The following ACYP2 variants were observed in gnomAD, a reference collection of about 807,000 sequenced individuals.
ACYP2 encodes the protein acylphosphatase 2.
Under a neutral mutation model 11.2 loss-of-function variants are expected in ACYP2, and 12 were observed. The ratio of observed to expected loss-of-function variants is 1.08; its 90% confidence interval spans 0.69 to 1.74. The LOEUF is 1.74. Among genes scored for constraint, ACYP2 ranks in the 40% most tolerant of loss-of-function variants. The probability of loss-of-function intolerance (pLI) is 0.00; values close to 1 mark genes in which losing one functional copy is unlikely to be tolerated. For missense variants in ACYP2, 134 were observed against 101.9 expected (o/e 1.31, Z -1.35); for synonymous variants, 43 against 32.2 (o/e 1.33, Z -1.13).
At chr2:54,035,495 A>C (rs1462170155) in intron 2 of ACYP2, among the ~76,000 whole-genome samples, 1 of 151,710 alleles carries the variant, frequency 6.6e-6, no homozygotes, top group South Asian at 2.1e-4. Flanking sequence ...TCGATCTCCT[A>C]ACCTTGTGAT....
At chr2:54,038,673 C>A (rs867192314) in intron 2 of ACYP2, among the ~76,000 whole-genome samples, 7 of 106,100 alleles carry the variant, frequency 6.6e-5, no homozygotes, top group African/African-American at 1.9e-4. Flanking sequence ...TTATTGAATA[C>A]TATATATATA....
rs139569000 is a variant in ACYP2 at position 54,239,854 on chromosome 2, G to A, written c.405-64834G>A. On this transcript the variant is annotated intron_variant, in intron 6 of 6. Coordinates refer to ENST00000607452, the MANE Select transcript of ACYP2 (RefSeq NM_001320586.2). Reference sequence around the variant, plus strand: ...ATGGTAGAATAGGGAAGAAGAAACTGGTAAATATTTCCAAATGTCATGTGT... The same window carrying A: ...ATGGTAGAATAGGGAAGAAGAAACTAGTAAATATTTCCAAATGTCATGTGT... Among the ~76,000 whole-genome samples, 30 of 151,970 alleles carry A rather than the reference G, an allele frequency of 2.0e-4. No individual in the cohort carries two copies. In the East Asian group the frequency reaches 5.8e-3, roughly 29 times the overall value.
intron 6 of ACYP2, among the ~76,000 whole-genome samples, chr2:54,155,521 AGAGTCTTAT>A (rs1331781507): frequency 6.6e-6 from 1 of 152,194 alleles, no homozygotes; most frequent in Admixed American, 6.5e-5. Flanking sequence ...TGGCAGCATT[AGAGTCTTAT>A]AGCAGAGCGA....
At chr2:54,062,251 C>A (rs2103633448) in intron 4 of ACYP2, among the ~76,000 whole-genome samples, 1 of 152,218 alleles carries the variant, frequency 6.6e-6, no homozygotes, top group South Asian at 2.1e-4. Context: ...TTGAACGACT[C>A]CCTTGCTACG....
At chr2:54,107,143 C>A (rs563881351) in intron 4 of ACYP2, among the ~76,000 whole-genome samples, 1 of 152,224 alleles carries the variant, frequency 6.6e-6, no homozygotes, top group African/African-American at 2.4e-5. Context: ...TAGGTGGCAG[C>A]AACAGACCAG....
intron 6 of ACYP2, among the ~76,000 whole-genome samples, chr2:54,294,202 C>T (rs530238288): frequency 6.6e-6 from 1 of 152,242 alleles, no homozygotes; most frequent in South Asian, 2.1e-4. Flanking sequence ...TTAATTTCAC[C>T]TCTGTTTCAG....
intron 4 of ACYP2, among the ~76,000 whole-genome samples, chr2:54,072,538 C>T (rs1390758690): frequency 1.3e-4 from 7 of 55,028 alleles, no homozygotes; most frequent in South Asian, 9.6e-4. Context: ...TTCTTTCCTT[C>T]CTTCCTTCCT....
chr2:54,269,546 G>A (rs1192419887), intron 6 of ACYP2, among the ~76,000 whole-genome samples: 4 of 152,162 alleles, frequency 2.6e-5, no homozygotes, highest in Admixed American at 1.3e-4. Flanking sequence ...CTCCCACAGC[G>A]TGTTCCTCAC....
At chr2:54,293,827 T>G (rs1302324354) in intron 6 of ACYP2, among the ~76,000 whole-genome samples, 1 of 152,220 alleles carries the variant, frequency 6.6e-6, no homozygotes, top group Non-Finnish European at 1.5e-5. Flanking sequence ...GGGCTACATA[T>G]CTGACAAATA....
chr2:54,259,598 C>T lies in ACYP2; in HGVS notation c.405-45090C>T, dbSNP rs1036566449. Among the ~76,000 whole-genome samples the T allele has an allele frequency of 8.6e-5, 13 of 151,034 alleles. 1 individual carries two copies. The highest frequency in any genetic ancestry group is 1.6e-4 in the Non-Finnish European group (11 of 67,894). ...AGTATGAGGTCTGAGAATTGACCGT[C>T]GGATTTTACAACAAAGAGTCACTGG... On this transcript the variant is annotated intron_variant, in intron 6 of 6. Coordinates refer to ENST00000607452, the MANE Select transcript of ACYP2 (RefSeq NM_001320586.2).
chr2:54,296,375 G>C (rs1689525408), intron 6 of ACYP2, among the ~76,000 whole-genome samples: 1 of 152,228 alleles, frequency 6.6e-6, no homozygotes, highest in South Asian at 2.1e-4. Context: ...TGGAAACTCT[G>C]AGGGGACCAA....
At chr2:54,011,918 G>A (rs534898009) in intron 2 of ACYP2, among the ~76,000 whole-genome samples, 1 of 152,078 alleles carries the variant, frequency 6.6e-6, no homozygotes, top group Non-Finnish European at 1.5e-5. Context: ...AACTTGAACT[G>A]TACCTATGAA....
chr2:54,236,091 G>T (rs1180565622), intron 6 of ACYP2, among the ~76,000 whole-genome samples: 1 of 151,452 alleles, frequency 6.6e-6, no homozygotes, highest in East Asian at 1.9e-4. Flanking sequence ...TAGATTTCTG[G>T]AATTTTTTTT....
chr2:54,263,692 A>C (rs936548646), intron 6 of ACYP2, among the ~76,000 whole-genome samples: 1 of 152,222 alleles, frequency 6.6e-6, no homozygotes, highest in African/African-American at 2.4e-5. Context: ...TTGCTCCTTC[A>C]TTCTTTTCAA....
intron 4 of ACYP2, among the ~76,000 whole-genome samples, chr2:54,129,845 C>G (rs1052676062): frequency 6.8e-6 from 1 of 147,130 alleles, no homozygotes; most frequent in Admixed American, 6.8e-5. Flanking sequence ...TATACATTAA[C>G]AATAAATATA....
At chr2:53,977,079 G>C (rs1327261051) in intron 2 of ACYP2, among the ~76,000 whole-genome samples, 1 of 151,966 alleles carries the variant, frequency 6.6e-6, no homozygotes, top group Non-Finnish European at 1.5e-5. Context: ...ATGGAGTCCT[G>C]CTCTGTTGCC....
intron 4 of ACYP2, among the ~76,000 whole-genome samples, chr2:54,124,260 T>A (rs960458901): frequency 6.6e-6 from 1 of 152,052 alleles, no homozygotes; most frequent in African/African-American, 2.4e-5. Context: ...AATGGCGCGA[T>A]GTGGGCTCAC....
chr2:54,191,650 C>A (rs1258328675), intron 6 of ACYP2, among the ~76,000 whole-genome samples: 1 of 152,152 alleles, frequency 6.6e-6, no homozygotes, highest in African/African-American at 2.4e-5. Flanking sequence ...TAGTCACTGG[C>A]ACAGGAGTAA....
chr2:54,027,375 C>CTGTTAT (rs1674340695), intron 2 of ACYP2, among the ~76,000 whole-genome samples: 5 of 152,154 alleles, frequency 3.3e-5, no homozygotes, highest in Non-Finnish European at 7.3e-5. Context: ...AGCTGTCCTG[C>CTGTTAT]CCTGTATCCC....
Sources: gnomAD v4.1 joint callset for allele counts (sites outside exome capture counted in the v4.1 genomes callset) on GRCh38, gnomAD v4.1.1 for gene constraint, MANE v1.5 for transcripts, NCBI Gene and HGNC (gene_info 2026-07-23, HGNC 2026-07-21) for gene names.